CNGA1: variants seen among roughly 807,000 people sequenced by gnomAD.
CNGA1 encodes the protein cyclic nucleotide gated channel subunit alpha 1, also known as cyclic nucleotide-gated channel alpha-1.
Under a neutral mutation model 69.7 loss-of-function variants are expected in CNGA1, and 53 were observed. That is an observed-to-expected ratio of 0.76 (90% CI 0.61 to 0.96). The LOEUF (loss-of-function observed/expected upper bound fraction) is 0.96. CNGA1 is among the 40% of genes least tolerant of loss of function. The pLI is 0.00. For synonymous variants in CNGA1, 249 were observed against 283.5 expected (o/e 0.88, Z 1.22); for missense variants, 739 against 811.2 (o/e 0.91, Z 1.08).
rs534042636 is a variant in CNGA1 at position 47,955,988 on chromosome 4, C to T, written c.-14-3285G>A. ...AACGACTTTGAAATGGTTCTTAGGG[C>T]GACAGATATGGTGAATTGGCCCACA... On this transcript the variant is annotated intron_variant, in intron 3 of 10. Transcript: ENST00000514170. Among the ~76,000 whole-genome samples, 10 of 152,254 alleles carry T rather than the reference C, an allele frequency of 6.6e-5. 1 individual carries two copies. The South Asian group carries it at 2.1e-3, about 32-fold the overall frequency.
Position 48,002,032 on chromosome 4 carries a change from T to G in CNGA1, c.-123+8762A>C, listed in dbSNP as rs562617725. ...AATAAACACAATATATCAAAATTTGTGGGATGGAGCTAAAGCAGTATTTGG... is the reference window on the plus strand; with the variant it reads ...AATAAACACAATATATCAAAATTTGGGGGATGGAGCTAAAGCAGTATTTGG... On this transcript the variant is annotated intron_variant, in intron 2 of 10. Coordinates refer to ENST00000514170, the MANE Select transcript of CNGA1 (RefSeq NM_001379270.1). Among the ~76,000 whole-genome samples, 18 of 152,296 alleles carry G rather than the reference T, an allele frequency of 1.2e-4. 1 individual carries two copies. Among genetic ancestry groups the G allele is most frequent in the Admixed American group, 9.2e-4 (14 of 15,298 alleles).
chr4:47,972,872 A>G (rs1023110178), intron 3 of CNGA1, among the ~76,000 whole-genome samples: 1 of 152,184 alleles, frequency 6.6e-6, no homozygotes, highest in South Asian at 2.1e-4. Context: ...CATCTACTAA[A>G]GTCATTTGTG....
At chr4:47,954,810 G>C (rs138332521) in intron 3 of CNGA1, among the ~76,000 whole-genome samples, 1 of 152,218 alleles carries the variant, frequency 6.6e-6, no homozygotes, top group African/African-American at 2.4e-5. Flanking sequence ...TTTTGAAGGG[G>C]GGGTAAAGCT....
At chr4:47,987,271 A>G (rs1742018078) in intron 2 of CNGA1, among the ~76,000 whole-genome samples, 1 of 152,212 alleles carries the variant, frequency 6.6e-6, no homozygotes, top group Non-Finnish European at 1.5e-5. Context: ...TTCAAAAATT[A>G]TATGATTTGA....
Position 48,016,593 on chromosome 4 carries a change from G to C in CNGA1, c.-333C>G. The C allele has an allele frequency of 3.8e-6, 2 of 525,174 alleles. No individual in the cohort carries two copies. Among genetic ancestry groups the C allele is most frequent in the East Asian group, 6.9e-5 (2 of 29,180 alleles). 32.5% of individuals were successfully genotyped at this position (525,174 alleles called of 1,614,324 possible). A position where few individuals can be genotyped will look rare whatever the true frequency, so the allele number is the denominator to read the frequency against. On this transcript the variant is annotated 5_prime_UTR_variant, in exon 1 of 11. The change creates a new upstream start codon in the 5' untranslated region. Coordinates refer to ENST00000514170, the MANE Select transcript of CNGA1 (RefSeq NM_001379270.1). ...CAAGGGGCAGCTGCTACTCCTGCCAGATACACCAGTTATCACAGGCCGCTC... is the reference window on the plus strand; with the variant it reads ...CAAGGGGCAGCTGCTACTCCTGCCACATACACCAGTTATCACAGGCCGCTC...
Position 47,943,240 on chromosome 4 carries a change from CT to C in CNGA1, c.377del (p.Lys126ArgfsTer68), listed in dbSNP as rs772595474. On this transcript the variant is annotated frameshift_variant, in exon 8 of 11. Coordinates refer to ENST00000514170, the MANE Select transcript of CNGA1 (RefSeq NM_001379270.1). LOFTEE classifies it high-confidence loss of function. The part of the protein sequence containing the change: ...NENKNDPEKK[K>X]KKKDKEKKKK... ...TTTTCTTCTCTTTGTCCTTTTTCTTCTTTTTCTTCTCTGGGTCGTTTTTATT... is the reference window on the plus strand; with the variant it reads ...TTTTCTTCTCTTTGTCCTTTTTCTTCTTTTCTTCTCTGGGTCGTTTTTATT... The C allele has an allele frequency of 1.3e-6, 2 of 1,591,578 alleles. No individual in the cohort carries two copies. The highest frequency in any genetic ancestry group is 1.4e-5 in the African/African-American group (1 of 73,996).
At chr4:47,966,586 A>G (rs1305693473) in intron 3 of CNGA1, among the ~76,000 whole-genome samples, 1 of 152,130 alleles carries the variant, frequency 6.6e-6, no homozygotes, top group Non-Finnish European at 1.5e-5. Flanking sequence ...GTGAAACATT[A>G]CTCTGCATTA....
chr4:47,955,173 C>CTTTTTTTTTTTTTTTTTT (rs377338639), intron 3 of CNGA1, among the ~76,000 whole-genome samples: 10 of 98,198 alleles, frequency 1.0e-4, no homozygotes, highest in Non-Finnish European at 1.6e-4. Flanking sequence ...TTTTTCTTTT[C>CTTTTTTTTTTTTTTTTTT]TTTTTTTTTT....
intron 2 of CNGA1, among the ~76,000 whole-genome samples, chr4:48,007,611 T>C (rs1274648567): frequency 2.0e-5 from 3 of 152,162 alleles, no homozygotes; most frequent in African/African-American, 7.2e-5. Flanking sequence ...TGTAACTTAA[T>C]GTCACAAGTA....
At chr4:47,970,935 C>A (rs1224045007) in intron 3 of CNGA1, 2 of 453,692 alleles carry the variant, frequency 4.4e-6, no homozygotes, top group Non-Finnish European at 8.8e-6. Flanking sequence ...GTGGGCAGAT[C>A]ACTTGAGATC....
intron 3 of CNGA1, among the ~76,000 whole-genome samples, chr4:47,965,429 C>CTTT (rs201467914): frequency 1.4e-5 from 2 of 141,228 alleles, no homozygotes; most frequent in African/African-American, 2.6e-5. Context: ...ATAAGTTATT[C>CTTT]TTTTTTTTTT....
At chr4:48,005,645 C>A (rs1391120198) in intron 2 of CNGA1, among the ~76,000 whole-genome samples, 4 of 152,152 alleles carry the variant, frequency 2.6e-5, no homozygotes, top group Non-Finnish European at 5.9e-5. Flanking sequence ...GGCTCCTGGA[C>A]CTGTCAGAAA....
At chr4:47,972,561 TCCGA>T (rs1741099402) in intron 3 of CNGA1, among the ~76,000 whole-genome samples, 1 of 152,228 alleles carries the variant, frequency 6.6e-6, no homozygotes, top group Non-Finnish European at 1.5e-5. Context: ...TTTTCCTCAA[TCCGA>T]TGGGTGAGCA....
At chr4:47,984,004 T>G (rs547368554) in intron 2 of CNGA1, among the ~76,000 whole-genome samples, 1 of 152,168 alleles carries the variant, frequency 6.6e-6, no homozygotes, top group Non-Finnish European at 1.5e-5. Flanking sequence ...AAAAATTGGG[T>G]TTTTTAAATC....
rs968330865 is a variant in CNGA1 at position 47,981,442 on chromosome 4, T to G, written c.-64A>C. The G allele has an allele frequency of 3.9e-5, 6 of 152,220 alleles. No individual in the cohort carries two copies. The highest frequency in any genetic ancestry group is 1.4e-4 in the African/African-American group (6 of 41,464). The allele number at this position is 152,220 out of a possible 1,614,324, so 9.4% of individuals were successfully genotyped here. ...TTTGTCTTCTAGAAGTGGACGTCAC[T>G]GGTGTATCCAAACAAACAGGGATAT... is the stretch of plus-strand genomic sequence containing the variant. On this transcript the variant is annotated 5_prime_UTR_variant, in exon 3 of 11. Transcript: ENST00000514170.
chr4:47,961,672 G>A lies in CNGA1; in HGVS notation c.-14-8969C>T, dbSNP rs567909886. Among the ~76,000 whole-genome samples, 127 of 152,194 alleles carry A rather than the reference G, an allele frequency of 8.3e-4. 1 individual carries two copies. The highest frequency in any genetic ancestry group is 3.0e-3 in the African/African-American group (124 of 41,528). On this transcript the variant is annotated intron_variant, in intron 3 of 10. Transcript: ENST00000514170. ...GGTGACAGGATCGCTTGAGCCTGGG[G>A]CGGAGTGAAGTTTACAGTGCACTCC...
chr4:47,996,829 G>A (rs930378130), intron 2 of CNGA1, among the ~76,000 whole-genome samples: 1 of 152,138 alleles, frequency 6.6e-6, no homozygotes, highest in Non-Finnish European at 1.5e-5. Flanking sequence ...GGAGGCCGAG[G>A]TGAGTGGATC....
At chr4:47,959,631 A>G (rs946861678) in intron 3 of CNGA1, among the ~76,000 whole-genome samples, 1 of 152,136 alleles carries the variant, frequency 6.6e-6, no homozygotes, top group African/African-American at 2.4e-5. Context: ...ATTTTTTTAG[A>G]CAGTCTCACT....
intron 2 of CNGA1, among the ~76,000 whole-genome samples, chr4:48,000,463 A>T (rs890427365): frequency 6.6e-6 from 1 of 151,478 alleles, no homozygotes; most frequent in Non-Finnish European, 1.5e-5. Flanking sequence ...TCCGCCTCCC[A>T]GTTTCAAGCG....
Sources: allele counts gnomAD v4.1 joint callset (sites outside exome capture counted in the v4.1 genomes callset), GRCh38; gene constraint gnomAD v4.1.1; transcripts MANE v1.5; gene names NCBI Gene and HGNC (gene_info 2026-07-23, HGNC 2026-07-21).